SLC2A13: variants seen among roughly 807,000 people sequenced by gnomAD.
SLC2A13 encodes the protein solute carrier family 2 member 13, also known as proton myo-inositol cotransporter.
SLC2A13 carries 32 observed loss-of-function variants against 64.4 expected under a neutral mutation model. The ratio of observed to expected loss-of-function variants is 0.50; its 90% confidence interval spans 0.37 to 0.67. The LOEUF is 0.67. Among genes scored for constraint, SLC2A13 ranks in the 30% least tolerant of loss-of-function variants. SLC2A13 has a pLI of 0.00. For synonymous variants in SLC2A13, 338 were observed against 327.1 expected (o/e 1.03, Z -0.36); for missense variants, 743 against 829.2 (o/e 0.90, Z 1.28).
intron 3 of SLC2A13, among the ~76,000 whole-genome samples, chr12:40,007,090 G>A (rs937743963): frequency 2.0e-5 from 3 of 152,054 alleles, no homozygotes; most frequent in African/African-American, 4.8e-5. Context: ...TACTAAAGTT[G>A]ACCCAGTATA....
At chr12:40,055,996 A>C (rs372154210) in intron 1 of SLC2A13, among the ~76,000 whole-genome samples, 6 of 151,832 alleles carry the variant, frequency 4.0e-5, no homozygotes, top group African/African-American at 1.5e-4. Context: ...CAAACAAAAA[A>C]AAAACAAAAC....
At chr12:39,828,273 T>C (rs902882249) in intron 7 of SLC2A13, among the ~76,000 whole-genome samples, 2 of 152,178 alleles carry the variant, frequency 1.3e-5, no homozygotes, top group East Asian at 3.8e-4. Context: ...TTTCTTTTTT[T>C]GTAAAGAGTT....
In SLC2A13 at chr12:39,864,782, G is replaced by A. The variant is rs767124315; in HGVS notation, c.1299C>T (p.Asn433=). The change falls in exon 6 of 10, where the codon AAC becomes AAT. Residue 433 remains asparagine, a synonymous_variant. Transcript: ENST00000280871. ...TFKPIAPSGQ[N]ATCTRYSYCN... is the part of the protein sequence containing the mutation. ...CTCACCTGTATCTTGTGCAAGTGGC[G>A]TTCTGACCTGACGGAGCTATTGGCT... 14 of 1,613,954 alleles carry A rather than the reference G, an allele frequency of 8.7e-6. No homozygotes were observed. Among genetic ancestry groups the A allele is most frequent in the East Asian group, 6.7e-5 (3 of 44,870 alleles).
chr12:39,819,345 C>A (rs1372013553), intron 7 of SLC2A13, among the ~76,000 whole-genome samples: 4 of 151,996 alleles, frequency 2.6e-5, no homozygotes, highest in African/African-American at 9.7e-5. Flanking sequence ...AGTTATAGGA[C>A]CTTTGACATT....
rs71075095 is a variant in SLC2A13, at chr12:39,895,616, A to ATATACGTATACACATATGTATATGCGTG, written c.1035-23656_1035-23655insCACGCATATACATATGTGTATACGTATA. Among the ~76,000 whole-genome samples, 9 of 69,614 alleles carry ATATACGTATACACATATGTATATGCGTG rather than the reference A, an allele frequency of 1.3e-4. 3 individuals carry two copies. Among genetic ancestry groups the ATATACGTATACACATATGTATATGCGTG allele is most frequent in the African/African-American group, 3.4e-4 (7 of 20,802 alleles). The allele number at this position is 69,614 out of a possible 152,430, so 45.7% of individuals were successfully genotyped here. Reference sequence around the variant, plus strand: ...TATGTGTATATACGTATATACACATATATACGTACACACATATGTATATGC... The same window carrying ATATACGTATACACATATGTATATGCGTG: ...TATGTGTATATACGTATATACACATATATACGTATACACATATGTATATGCGTGTATACGTACACACATATGTATATGC... On this transcript the variant is annotated intron_variant, in intron 4 of 9. Coordinates refer to ENST00000280871, the MANE Select transcript of SLC2A13 (RefSeq NM_052885.4).
intron 4 of SLC2A13, among the ~76,000 whole-genome samples, chr12:39,915,803 C>A (rs1231003563): frequency 2.0e-5 from 3 of 151,862 alleles, no homozygotes; most frequent in African/African-American, 7.3e-5. Flanking sequence ...AAACATTAAT[C>A]ATAGGCATCA....
At chr12:39,761,736 G>A (rs1199977823) in intron 9 of SLC2A13, among the ~76,000 whole-genome samples, 1 of 151,890 alleles carries the variant, frequency 6.6e-6, no homozygotes, top group Non-Finnish European at 1.5e-5. Flanking sequence ...GGACAAAGAC[G>A]GGATAGTAAT....
At chr12:40,100,839 C>T (rs936259912) in intron 1 of SLC2A13, among the ~76,000 whole-genome samples, 2 of 151,844 alleles carry the variant, frequency 1.3e-5, no homozygotes, top group Non-Finnish European at 2.9e-5. Flanking sequence ...TGGGCAGGCG[C>T]CTGTAATCCC....
At chr12:39,792,841 T>A (rs1303691320) in intron 7 of SLC2A13, among the ~76,000 whole-genome samples, 2 of 151,948 alleles carry the variant, frequency 1.3e-5, no homozygotes, top group East Asian at 3.8e-4. Flanking sequence ...ACCACGCAGT[T>A]CAAACCGATA....
At chr12:39,987,934 G>C (rs1947058090) in intron 3 of SLC2A13, among the ~76,000 whole-genome samples, 1 of 151,984 alleles carries the variant, frequency 6.6e-6, no homozygotes, top group Admixed American at 6.6e-5. Context: ...AGGCACACAA[G>C]AAAAAGAGTG....
chr12:39,775,991 A>AT (rs1455904630), intron 7 of SLC2A13, among the ~76,000 whole-genome samples: 2 of 152,212 alleles, frequency 1.3e-5, no homozygotes, highest in Non-Finnish European at 2.9e-5. Context: ...TGGATTTTAG[A>AT]TTTTTGGATC....
At chr12:39,835,264 C>T (rs973919503) in intron 6 of SLC2A13, among the ~76,000 whole-genome samples, 11 of 152,002 alleles carry the variant, frequency 7.2e-5, no homozygotes, top group Admixed American at 6.6e-5. Context: ...TAACAATCCA[C>T]CCAGTTCTAA....
At chr12:39,922,172 C>T (rs1001977095) in intron 4 of SLC2A13, among the ~76,000 whole-genome samples, 2 of 152,144 alleles carry the variant, frequency 1.3e-5, no homozygotes, top group African/African-American at 4.8e-5. Context: ...AAATGAAACG[C>T]ACAAAGAATC....
At chr12:39,980,837 A>G (rs1250331450) in intron 3 of SLC2A13, among the ~76,000 whole-genome samples, 2 of 152,098 alleles carry the variant, frequency 1.3e-5, no homozygotes, top group African/African-American at 2.4e-5. Flanking sequence ...ACAGACATCT[A>G]CAGAACTCTC....
intron 4 of SLC2A13, among the ~76,000 whole-genome samples, chr12:39,947,626 C>A (rs1034100717): frequency 2.7e-5 from 4 of 149,170 alleles, no homozygotes; most frequent in Non-Finnish European, 4.4e-5. Flanking sequence ...GATATTATAA[C>A]TAGAGTTTAG....
At chr12:40,089,853 A>G (rs1035077713) in intron 1 of SLC2A13, among the ~76,000 whole-genome samples, 8 of 152,202 alleles carry the variant, frequency 5.3e-5, no homozygotes, top group African/African-American at 1.4e-4. Context: ...GTTATCAAGC[A>G]TAACAGCCAT....
intron 9 of SLC2A13, among the ~76,000 whole-genome samples, chr12:39,762,945 A>T (rs1458040932): frequency 6.6e-6 from 1 of 152,040 alleles, no homozygotes; most frequent in East Asian, 1.9e-4. Flanking sequence ...CTGGCAGGAT[A>T]AATTCAAGAA....
Position 40,021,384 on chromosome 12 carries a change from T to C in SLC2A13, c.925+6917A>G, listed in dbSNP as rs560413465. Among the ~76,000 whole-genome samples, 11 of 152,304 alleles carry C rather than the reference T, an allele frequency of 7.2e-5. 1 individual carries two copies. Among genetic ancestry groups the C allele is most frequent in the Admixed American group, 7.2e-4 (11 of 15,298 alleles). On this transcript the variant is annotated intron_variant, in intron 3 of 9. Transcript: ENST00000280871. Reference sequence around the variant, plus strand: ...TTATTTAAAGCCATATTGAATGAAATAGTGTTTCTTTTAAGTAAGTCAGCA... The same window carrying C: ...TTATTTAAAGCCATATTGAATGAAACAGTGTTTCTTTTAAGTAAGTCAGCA...
intron 1 of SLC2A13, among the ~76,000 whole-genome samples, chr12:40,065,041 C>T (rs1226314245): frequency 2.0e-5 from 3 of 151,854 alleles, no homozygotes; most frequent in Non-Finnish European, 2.9e-5. Context: ...TATACTGATA[C>T]CAGAAAGTTA....
Sources: gnomAD v4.1 joint callset for allele counts (sites outside exome capture counted in the v4.1 genomes callset) on GRCh38, gnomAD v4.1.1 for gene constraint, MANE v1.5 for transcripts, NCBI Gene and HGNC (gene_info 2026-07-23, HGNC 2026-07-21) for gene names.